Variants in RDH10 observed in about 807,000 individuals in gnomAD.
The protein encoded by RDH10 is retinol dehydrogenase 10 (all-trans).
In RDH10, 12 loss-of-function variants were observed where a neutral mutation model predicts 30.2. The ratio of observed to expected loss-of-function variants is 0.40; its 90% confidence interval spans 0.25 to 0.64. The LOEUF is 0.64. Among genes scored for constraint, RDH10 ranks in the 30% least tolerant of loss-of-function variants. RDH10 has a pLI of 0.43. For missense variants in RDH10, 268 were observed against 445.2 expected (o/e 0.60, Z 3.58); for synonymous variants, 189 against 172.2 (o/e 1.10, Z -0.76).
At chr8:73,321,919 T>C (rs1016570691) in intron 4 of RDH10, 6 of 456,144 alleles carry the variant, frequency 1.3e-5, no homozygotes, top group Non-Finnish European at 2.6e-5. Context: ...AAATGGACTC[T>C]AGCTCTGCCT....
intron 2 of RDH10, among the ~76,000 whole-genome samples, chr8:73,316,767 G>T (rs1174030788): frequency 6.6e-6 from 1 of 152,210 alleles, no homozygotes; most frequent in Non-Finnish European, 1.5e-5. Flanking sequence ...AGTCATGGTA[G>T]AAGGCAAAGA....
intron 2 of RDH10, among the ~76,000 whole-genome samples, chr8:73,309,274 C>T (rs1279076776): frequency 6.6e-6 from 1 of 152,188 alleles, no homozygotes; most frequent in African/African-American, 2.4e-5. Context: ...AAAGTCAGGG[C>T]CGGCCAGTGA....
In RDH10 at chr8:73,297,536, A is replaced by G. The variant is rs1025989569; in HGVS notation, c.525+107A>G. ...TGAAAGCAACCTGTACTCTTTCGCC[A>G]CAAGGTCTCCTTAGCTCTTCCCTAT... On this transcript the variant is annotated intron_variant, in intron 2 of 5. Coordinates refer to ENST00000240285, the MANE Select transcript of RDH10 (RefSeq NM_172037.5). The G allele has an allele frequency of 6.7e-5, 52 of 775,142 alleles. No homozygotes were observed. The Admixed American group carries it at 9.1e-4, about 14-fold the overall frequency. 48.0% of individuals were successfully genotyped at this position (775,142 alleles called of 1,614,324 possible).
chr8:73,322,656 G>A (rs774885492), intron 4 of RDH10, 23 bp from the exon 5 acceptor site: 2 of 1,591,862 alleles, frequency 1.3e-6, no homozygotes, highest in South Asian at 1.1e-5. Context: ...TTTTCATTTT[G>A]TTTTTGAATA....
chr8:73,318,396 G>T (rs1814711521), intron 2 of RDH10, among the ~76,000 whole-genome samples: 2 of 152,204 alleles, frequency 1.3e-5, no homozygotes, highest in Non-Finnish European at 2.9e-5. Flanking sequence ...TCACTGTGTG[G>T]CCAGTCACTT....
Position 73,322,774 on chromosome 8 carries a change from C to T in RDH10, c.866C>T (p.Thr289Ile). 1 of 1,614,210 alleles carries T rather than the reference C, an allele frequency of 6.2e-7. No individual in the cohort carries two copies. Among genetic ancestry groups the T allele is most frequent in the South Asian group, 1.1e-5 (1 of 91,088 alleles). ...AILTDQPMIC[T>I]PRLMYIVTFM... ...CTCACTGACCAGCCCATGATCTGCA[C>T]TCCCCGCCTCATGTACATCGTGACC... is the stretch of plus-strand genomic sequence containing the variant. Residue 289 changes from threonine (T) to isoleucine (I), a missense_variant, in exon 5 of 6, where the codon ACT (threonine) becomes ATT (isoleucine). Transcript: ENST00000240285.
intron 2 of RDH10, among the ~76,000 whole-genome samples, chr8:73,298,682 C>T (rs1404870617): frequency 6.6e-6 from 1 of 152,116 alleles, no homozygotes; most frequent in Non-Finnish European, 1.5e-5. Context: ...CACATGCTGC[C>T]ACACCTGGCT....
chr8:73,316,793 C>T (rs896779448), intron 2 of RDH10, among the ~76,000 whole-genome samples: 1 of 152,128 alleles, frequency 6.6e-6, no homozygotes, highest in Non-Finnish European at 1.5e-5. Flanking sequence ...CAGCAATAAA[C>T]ACGGCAGAAG....
chr8:73,313,304 A>G lies in RDH10; in HGVS notation c.526-5792A>G, dbSNP rs755345689. The stretch of plus-strand genomic sequence containing the variant: ...GTCACGTCTATGTGCAGTTACTTAC[A>G]TGTCTGTTTAAGAAGTTCTTGCTTA... On this transcript the variant is annotated intron_variant, in intron 2 of 5. Coordinates refer to ENST00000240285, the MANE Select transcript of RDH10 (RefSeq NM_172037.5). 1.3e-5 allele frequency: 2 copies of G among 152,188 alleles called. 1 individual carries two copies. The highest frequency in any genetic ancestry group is 1.3e-4 in the Admixed American group (2 of 15,280). 9.4% of individuals were successfully genotyped at this position (152,188 alleles called of 1,614,324 possible). A position where few individuals can be genotyped will look rare whatever the true frequency, so the allele number is the denominator to read the frequency against.
intron 2 of RDH10, among the ~76,000 whole-genome samples, chr8:73,308,864 A>C (rs866874732): frequency 6.6e-6 from 1 of 152,200 alleles, no homozygotes; most frequent in African/African-American, 2.4e-5. Flanking sequence ...ATCTGAAGCC[A>C]CGTGAGGTTG....
At chr8:73,305,313 A>G (rs570740893) in intron 2 of RDH10, among the ~76,000 whole-genome samples, 1 of 152,344 alleles carries the variant, frequency 6.6e-6, no homozygotes, top group South Asian at 2.1e-4. Flanking sequence ...ACTTGAATAT[A>G]TCTAACCCAT....
At chr8:73,311,025 C>G (rs1464173467) in intron 2 of RDH10, 2 of 152,162 alleles carry the variant, frequency 1.3e-5, no homozygotes, top group Non-Finnish European at 2.9e-5. Flanking sequence ...TCAATGCTGG[C>G]CACTGCACTA....
Position 73,295,569 on chromosome 8 carries a change from G to A in RDH10, c.280G>A (p.Ala94Thr), listed in dbSNP as rs1586184869. Residue 94 changes from alanine to threonine, a missense_variant, in exon 1 of 6, where the codon GCG becomes ACG. Transcript: ENST00000240285. ...YRDLEAADAA[A>T]LQAGNGEEEI... ...CGACCTGGAGGCGGCCGACGCCGCTGCGCTGCAAGGTAACCTGGACCCGCG... is the reference window on the plus strand; with the variant it reads ...CGACCTGGAGGCGGCCGACGCCGCTACGCTGCAAGGTAACCTGGACCCGCG... 10 of 1,523,438 alleles carry A rather than the reference G, an allele frequency of 6.6e-6. No individual in the cohort carries two copies. The highest frequency in any genetic ancestry group is 2.1e-5 in the Admixed American group (1 of 48,510). The allele number at this position is 1,523,438 out of a possible 1,614,324, so 94.4% of individuals were successfully genotyped here. A position where few individuals can be genotyped will look rare whatever the true frequency, so the allele number is the denominator to read the frequency against.
At position 73,324,448 on chromosome 8, in the gene RDH10, T is replaced by G. The variant is rs115901798; in HGVS notation, c.*1412T>G. The G allele has an allele frequency of 0.013, 1,956 of 152,780 alleles. 43 individuals carry two copies. The highest frequency in any genetic ancestry group is 0.045 in the African/African-American group (1,873 of 41,578). The allele number at this position is 152,780 out of a possible 1,614,324, so 9.5% of individuals were successfully genotyped here. On this transcript the variant is annotated 3_prime_UTR_variant, in exon 6 of 6. Coordinates refer to ENST00000240285, the MANE Select transcript of RDH10 (RefSeq NM_172037.5). Reference sequence around the variant, plus strand: ...TATAAACTATTATGTGATTGCTTTTTTTTTTAGAATGTCTTGTTTAAATAG... The same window carrying G: ...TATAAACTATTATGTGATTGCTTTTGTTTTTAGAATGTCTTGTTTAAATAG...
rs1814798575 is a variant in RDH10 at position 73,323,177 on chromosome 8, T to C, written c.*141T>C. ...AAATCAACTTTTTAAAAAAATAAAG[T>C]GTAAATTAACCGACTAGAGTACTTG... is the stretch of plus-strand genomic sequence containing the variant. On this transcript the variant is annotated 3_prime_UTR_variant, in exon 6 of 6. Coordinates refer to ENST00000240285, the MANE Select transcript of RDH10 (RefSeq NM_172037.5). 2.8e-6 allele frequency: 2 copies of C among 711,754 alleles called. No homozygotes were observed. The highest frequency in any genetic ancestry group is 2.3e-6 in the Non-Finnish European group (1 of 439,822). 44.1% of individuals were successfully genotyped at this position (711,754 alleles called of 1,614,324 possible).
intron 1 of RDH10, chr8:73,295,857 A>G (rs1586185118): frequency 2.4e-6 from 3 of 1,250,066 alleles, no homozygotes; most frequent in East Asian, 3.5e-5. Context: ...CGGGGTAGGG[A>G]AGGCGGAGGG....
At chr8:73,296,206 A>G (rs1814263900) in intron 1 of RDH10, among the ~76,000 whole-genome samples, 1 of 150,426 alleles carries the variant, frequency 6.6e-6, no homozygotes, top group African/African-American at 2.4e-5. Flanking sequence ...GAAAATCTGC[A>G]TTTCTGAATA....
At chr8:73,297,504 GC>G in intron 2 of RDH10, 75 bp downstream of exon 2, 1 of 1,118,378 alleles carries the variant, frequency 8.9e-7, no homozygotes, top group Non-Finnish European at 1.4e-6. Context: ...AGACTTCAGT[GC>G]CAGCCTGAAA....
At position 73,295,445 on chromosome 8, in the gene RDH10, C is replaced by A; in HGVS notation, c.156C>A (p.Phe52Leu). The change falls in exon 1 of 6, where the codon TTC (phenylalanine) becomes TTA (leucine). Residue 52 changes from phenylalanine (F) to leucine (L), a missense_variant. By Grantham distance (22) the Phe-to-Leu change is conservative. This residue lies in a region of RDH10 where 42 missense variants were observed against 77.6 expected (regional missense o/e 0.54). Transcript: ENST00000240285. Reference protein sequence around the residue: ...TGAGSGLGRLFALEFARRRAL... With the variant: ...TGAGSGLGRLLALEFARRRAL... ...CCGGCAGCGGCCTGGGCCGCCTCTT[C>A]GCGCTGGAGTTCGCCCGGCGTCGGG... 1 of 1,550,424 alleles carries A rather than the reference C, an allele frequency of 6.4e-7. No homozygotes were observed. Among genetic ancestry groups the A allele is most frequent in the Non-Finnish European group, 8.7e-7 (1 of 1,148,544 alleles).
Sources: allele counts gnomAD v4.1 joint callset (sites outside exome capture counted in the v4.1 genomes callset), GRCh38; gene constraint gnomAD v4.1.1; regional missense constraint gnomAD v4.1.1; transcripts MANE v1.5; gene names NCBI Gene and HGNC (gene_info 2026-07-23, HGNC 2026-07-21).